Variants in CLTB observed in about 807,000 individuals in gnomAD.
CLTB encodes the protein clathrin light chain B, also known as clathrin, light chain (Lcb).
Under a neutral mutation model 30.5 loss-of-function variants are expected in CLTB, and 10 were observed. The observed-to-expected ratio is 0.33, with a 90% CI of 0.20 to 0.56. The LOEUF is 0.56. CLTB is among the 20% of genes least tolerant of loss of function. The probability of loss-of-function intolerance (pLI) is 0.91; values close to 1 mark genes in which losing one functional copy is unlikely to be tolerated. For missense variants in CLTB, 261 were observed against 308.3 expected (o/e 0.85, Z 1.15); for synonymous variants, 102 against 120.3 (o/e 0.85, Z 1.00).
intron 1 of CLTB, among the ~76,000 whole-genome samples, chr5:176,414,633 G>T (rs191732543): frequency 1.3e-4 from 20 of 152,194 alleles, no homozygotes; most frequent in Admixed American, 1.1e-3. Flanking sequence ...TGTAGAGATG[G>T]GGTTTCACCA....
chr5:176,394,484 C>T (rs1359711523), intron 5 of CLTB, among the ~76,000 whole-genome samples: 3 of 152,074 alleles, frequency 2.0e-5, no homozygotes, highest in South Asian at 2.1e-4. Context: ...CCTGCCTGGC[C>T]AACATGGTGA....
chr5:176,404,897 C>T (rs1474129470), intron 2 of CLTB, among the ~76,000 whole-genome samples: 2 of 152,246 alleles, frequency 1.3e-5, no homozygotes, highest in African/African-American at 4.8e-5. Flanking sequence ...TGTCCCCTCA[C>T]AGTTGCATTC....
chr5:176,404,649 C>G (rs1031579402), intron 2 of CLTB, among the ~76,000 whole-genome samples: 2 of 152,202 alleles, frequency 1.3e-5, no homozygotes, highest in Admixed American at 1.3e-4. Context: ...CAAACTGGGC[C>G]CACATCTCCG....
intron 5 of CLTB, 150 bp downstream of exon 5, chr5:176,396,329 C>T: frequency 1.4e-6 from 1 of 730,552 alleles, no homozygotes; most frequent in Non-Finnish European, 2.5e-6. Flanking sequence ...GTGGTTGCTG[C>T]CTGCACCCAC....
At chr5:176,406,663 G>C (rs1211448323) in intron 2 of CLTB, 1 of 1,289,284 alleles carries the variant, frequency 7.8e-7, no homozygotes, top group South Asian at 1.2e-5. Flanking sequence ...TCCTTAGGCT[G>C]TATTGGCAAC....
intron 1 of CLTB, among the ~76,000 whole-genome samples, chr5:176,412,401 G>A (rs543227401): frequency 4.4e-4 from 67 of 152,208 alleles, no homozygotes; most frequent in African/African-American, 1.5e-3. Context: ...ACCAGGCTCC[G>A]TGTCCTATTC....
At chr5:176,408,473 C>T (rs916777859) in intron 2 of CLTB, among the ~76,000 whole-genome samples, 1 of 150,946 alleles carries the variant, frequency 6.6e-6, no homozygotes, top group Admixed American at 6.6e-5. Context: ...GAGGCGGAGG[C>T]TGCAGGGAGC....
intron 2 of CLTB, chr5:176,405,783 C>CT (rs1467437785): frequency 6.6e-6 from 1 of 152,024 alleles, no homozygotes; most frequent in African/African-American, 2.4e-5. Context: ...GACTCGCGAC[C>CT]TTTGAGAAGT....
intron 5 of CLTB, among the ~76,000 whole-genome samples, chr5:176,396,187 G>A (rs1163218441): frequency 1.3e-5 from 2 of 152,068 alleles, no homozygotes; most frequent in Non-Finnish European, 2.9e-5. Flanking sequence ...CATCACAGAG[G>A]GAGGGAGTTG....
Position 176,416,416 on chromosome 5 carries a change from G to A in CLTB, c.-53C>T. The stretch of plus-strand genomic sequence containing the variant: ...GCTGCGCTCGGCTCTGCCCGCGCCT[G>A]CCCCGCGCTGCGTCCGGCGGCCGCG... On this transcript the variant is annotated 5_prime_UTR_variant, in exon 1 of 6. Transcript: ENST00000310418. The A allele has an allele frequency of 1.4e-6, 2 of 1,396,142 alleles. No individual in the cohort carries two copies. Among genetic ancestry groups the A allele is most frequent in the Non-Finnish European group, 9.3e-7 (1 of 1,070,490 alleles). The allele number at this position is 1,396,142 out of a possible 1,614,324, so 86.5% of individuals were successfully genotyped here. A position where few individuals can be genotyped will look rare whatever the true frequency, so the allele number is the denominator to read the frequency against.
Position 176,394,543 on chromosome 5 carries a change from C to T in CLTB, c.519-1598G>A, listed in dbSNP as rs534636644. ...AAAAAATTAGCTGGGTGTGGCCAGG[C>T]GCGGTGGCTCATGCCTGTAATCCCA... On this transcript the variant is annotated intron_variant, in intron 5 of 5. Coordinates refer to ENST00000310418, the MANE Select transcript of CLTB (RefSeq NM_007097.5). 5.1e-4 allele frequency among the ~76,000 whole-genome samples: 77 copies of T among 151,920 alleles called. 2 individuals are homozygous for T. The highest frequency in any genetic ancestry group is 2.5e-3 in the South Asian group (12 of 4,820).
chr5:176,395,025 G>A (rs1227629828), intron 5 of CLTB, among the ~76,000 whole-genome samples: 1 of 151,960 alleles, frequency 6.6e-6, no homozygotes, highest in Non-Finnish European at 1.5e-5. Context: ...GCTCAGCCTT[G>A]GCACAACAGG....
chr5:176,401,336 G>A lies in CLTB; in HGVS notation c.235-3289C>T, dbSNP rs1422195221. 3.9e-5 allele frequency among the ~76,000 whole-genome samples: 6 copies of A among 152,206 alleles called. No individual in the cohort carries two copies. In the South Asian group the frequency reaches 1.2e-3, roughly 32 times the overall value. ...ATCTGAAATGACTTGAGAGGTCAGAGAAGTTGGAAATAAAAATAAAAATAC... is the reference window on the plus strand; with the variant it reads ...ATCTGAAATGACTTGAGAGGTCAGAAAAGTTGGAAATAAAAATAAAAATAC... On this transcript the variant is annotated intron_variant, in intron 2 of 5. Transcript: ENST00000310418.
intron 1 of CLTB, among the ~76,000 whole-genome samples, chr5:176,413,203 G>A (rs1757534423): frequency 6.6e-6 from 1 of 152,114 alleles, no homozygotes; most frequent in South Asian, 2.1e-4. Context: ...AGCAGAACAG[G>A]ACTGAGACAG....
At chr5:176,410,422 A>G (rs781057768) in intron 1 of CLTB, 119 bp from the exon 2 acceptor site, 19 of 714,836 alleles carry the variant, frequency 2.7e-5, no homozygotes, top group Non-Finnish European at 3.9e-5. Flanking sequence ...ATCGACCCAC[A>G]TGCAAACAGA....
chr5:176,411,816 T>C (rs1394714111), intron 1 of CLTB, among the ~76,000 whole-genome samples: 1 of 152,202 alleles, frequency 6.6e-6, no homozygotes, highest in Non-Finnish European at 1.5e-5. Flanking sequence ...CCCTAAATTC[T>C]GGTTTCCTCC....
At chr5:176,396,926 G>T (rs2113631736) in intron 4 of CLTB, among the ~76,000 whole-genome samples, 2 of 151,996 alleles carry the variant, frequency 1.3e-5, no homozygotes, top group African/African-American at 4.8e-5. Flanking sequence ...TCGTACCCAG[G>T]TCTAGAATGC....
chr5:176,397,303 CAGCCCCTCTCATGTCCCCAT>C lies in CLTB; in HGVS notation c.464+284_464+303del, dbSNP rs1405137362. On this transcript the variant is annotated intron_variant, in intron 4 of 5. Coordinates refer to ENST00000310418, the MANE Select transcript of CLTB (RefSeq NM_007097.5). ...TGGGCAGTGTTCAGTCATGTCCCCA[CAGCCCCTCTCATGTCCCCAT>C]AGCCCCTCTCATGTCCCCACAGCCC... is the stretch of plus-strand genomic sequence containing the variant. Among the ~76,000 whole-genome samples, 348 of 150,988 alleles carry C rather than the reference CAGCCCCTCTCATGTCCCCAT, an allele frequency of 2.3e-3. 4 individuals are homozygous for C. Among genetic ancestry groups the C allele is most frequent in the African/African-American group, 3.6e-3 (147 of 41,004 alleles).
chr5:176,416,344 A>C lies in CLTB; in HGVS notation c.20T>G (p.Phe7Cys), dbSNP rs1333797276. The change falls in exon 1 of 6, where the codon TTC (phenylalanine) becomes TGC (cysteine). Residue 7 changes from phenylalanine to cysteine, a missense_variant. By Grantham distance (205) the Phe-to-Cys change is radical (BLOSUM62 -2). This residue lies in a region of CLTB where 113 missense variants were observed against 102.5 expected (regional missense o/e 1.10). Coordinates refer to ENST00000310418, the MANE Select transcript of CLTB (RefSeq NM_007097.5). MADDFG[F>C]FSSSESGAPE... ...GGCACCGCTCTCCGACGACGAGAAGAAGCCAAAGTCATCAGCCATTTTCCC... is the reference window on the plus strand; with the variant it reads ...GGCACCGCTCTCCGACGACGAGAAGCAGCCAAAGTCATCAGCCATTTTCCC... 4 of 1,599,524 alleles carry C rather than the reference A, an allele frequency of 2.5e-6. No individual in the cohort carries two copies. Among genetic ancestry groups the C allele is most frequent in the African/African-American group, 1.4e-5 (1 of 72,440 alleles).
Sources: allele counts gnomAD v4.1 joint callset (sites outside exome capture counted in the v4.1 genomes callset), GRCh38; gene constraint gnomAD v4.1.1; regional missense constraint gnomAD v4.1.1; transcripts MANE v1.5; gene names NCBI Gene and HGNC (gene_info 2026-07-23, HGNC 2026-07-21).